DLG2: variants seen among roughly 807,000 people sequenced by gnomAD.
DLG2 encodes the protein disks large homolog 2.
Under a neutral mutation model 132.5 loss-of-function variants are expected in DLG2, and 45 were observed. The observed-to-expected ratio is 0.34, with a 90% confidence interval of 0.27 to 0.44. The LOEUF is 0.44. DLG2 is among the 20% of genes least tolerant of loss of function. The probability of loss-of-function intolerance (pLI) is 1.00; values close to 1 mark genes in which losing one functional copy is unlikely to be tolerated. For synonymous variants in DLG2, 424 were observed against 419.6 expected, an observed-to-expected ratio of 1.01 and a Z score of -0.13; for missense variants, 1,045 against 1,196.9, an observed-to-expected ratio of 0.87 and a Z score of 1.87.
chr11:84,152,512 G>A (rs538305741), intron 9 of DLG2, among the ~76,000 whole-genome samples: 6 of 150,940 alleles, frequency 4.0e-5, no homozygotes, highest in African/African-American at 4.9e-5. Flanking sequence ...TCAGCCTCCC[G>A]AGTAGCTGGG....
chr11:84,726,424 T>C (rs1174536885), intron 6 of DLG2, among the ~76,000 whole-genome samples: 3 of 152,152 alleles, frequency 2.0e-5, no homozygotes, highest in Admixed American at 2.0e-4. Context: ...TTCATCCATG[T>C]CCCTGCAAAG....
At chr11:85,442,022 C>T (rs2091804384) in intron 3 of DLG2, among the ~76,000 whole-genome samples, 1 of 151,540 alleles carries the variant, frequency 6.6e-6, no homozygotes, top group Admixed American at 6.6e-5. Context: ...GTATCCCATA[C>T]AGAAGAAAAA....
At chr11:84,595,526 C>T (rs1319314670) in intron 6 of DLG2, among the ~76,000 whole-genome samples, 1 of 150,882 alleles carries the variant, frequency 6.6e-6, no homozygotes, top group Non-Finnish European at 1.5e-5. Context: ...TTGAAATAAG[C>T]ATTCAAGCAA....
At chr11:85,589,729 T>G (rs1358240909) in intron 3 of DLG2, among the ~76,000 whole-genome samples, 2 of 152,052 alleles carry the variant, frequency 1.3e-5, no homozygotes, top group African/African-American at 4.8e-5. Flanking sequence ...CCAGGCAGCC[T>G]GCACATGGGA....
At chr11:83,851,455 T>C (rs2059758627) in intron 16 of DLG2, among the ~76,000 whole-genome samples, 1 of 151,210 alleles carries the variant, frequency 6.6e-6, no homozygotes, top group South Asian at 2.1e-4. Context: ...TGAAACCTCT[T>C]CTCTACTAAA....
intron 6 of DLG2, among the ~76,000 whole-genome samples, chr11:84,720,609 G>A (rs377516176): frequency 6.6e-6 from 1 of 152,180 alleles, no homozygotes; most frequent in African/African-American, 2.4e-5. Flanking sequence ...CGTGTGGGGG[G>A]AGGGACAGAA....
At chr11:83,889,626 T>C (rs1385706917) in intron 15 of DLG2, among the ~76,000 whole-genome samples, 2 of 152,170 alleles carry the variant, frequency 1.3e-5, no homozygotes, top group Non-Finnish European at 2.9e-5. Context: ...CCCAAAGGAC[T>C]ATAAATCATG....
At chr11:83,611,932 G>A (rs2060174436) in intron 19 of DLG2, among the ~76,000 whole-genome samples, 1 of 152,218 alleles carries the variant, frequency 6.6e-6, no homozygotes, top group Non-Finnish European at 1.5e-5. Context: ...AACTGTTTGA[G>A]CGGGAGGGAA....
At chr11:83,721,414 C>T (rs1349111795) in intron 18 of DLG2, among the ~76,000 whole-genome samples, 1 of 152,188 alleles carries the variant, frequency 6.6e-6, no homozygotes, top group Non-Finnish European at 1.5e-5. Flanking sequence ...AGGCACAAAC[C>T]TGCTACTAGC....
intron 12 of DLG2, among the ~76,000 whole-genome samples, chr11:83,973,229 C>T (rs191966746): frequency 6.6e-6 from 1 of 151,702 alleles, no homozygotes; most frequent in Admixed American, 6.6e-5. Context: ...TTAGTGGCAA[C>T]CTTTGGAGTG....
At chr11:85,155,446 C>T (rs1241662505) in intron 4 of DLG2, among the ~76,000 whole-genome samples, 1 of 152,158 alleles carries the variant, frequency 6.6e-6, no homozygotes, top group Admixed American at 6.5e-5. Context: ...GGAATTCTGA[C>T]AGATTCATAG....
At chr11:85,591,658 C>T (rs1348905692) in intron 3 of DLG2, among the ~76,000 whole-genome samples, 2 of 152,052 alleles carry the variant, frequency 1.3e-5, no homozygotes, top group Non-Finnish European at 2.9e-5. Flanking sequence ...CAGAAGAATC[C>T]CTTGAATGGG....
At chr11:84,844,912 GGATT>G (rs1390545571) in intron 6 of DLG2, among the ~76,000 whole-genome samples, 2 of 152,044 alleles carry the variant, frequency 1.3e-5, no homozygotes, top group Admixed American at 6.6e-5. Flanking sequence ...CAAAATGAAT[GGATT>G]GATATGCAAA....
chr11:83,497,544 AAAC>A (rs1555109330), intron 21 of DLG2, among the ~76,000 whole-genome samples: 1 of 80,936 alleles, frequency 1.2e-5, no homozygotes, highest in Non-Finnish European at 3.2e-5. Context: ...CAAAAACAAA[AAAC>A]AAAAAACAAA....
chr11:84,581,767 C>T (rs1165408432), intron 6 of DLG2, among the ~76,000 whole-genome samples: 1 of 151,836 alleles, frequency 6.6e-6, no homozygotes, highest in East Asian at 1.9e-4. Flanking sequence ...ATTAGCCGGG[C>T]ATGGTGGCAT....
chr11:84,543,362 T>A (rs2099382721), intron 6 of DLG2, among the ~76,000 whole-genome samples: 1 of 152,146 alleles, frequency 6.6e-6, no homozygotes, highest in Non-Finnish European at 1.5e-5. Context: ...CTTCCCAGAT[T>A]AGGAAGTTCT....
intron 2 of DLG2, among the ~76,000 whole-genome samples, chr11:85,609,013 A>G (rs902102896): frequency 1.3e-5 from 2 of 152,192 alleles, no homozygotes; most frequent in African/African-American, 2.4e-5. Flanking sequence ...AGCCATCCCC[A>G]GTATGGATCC....
chr11:85,601,197 G>A (rs1344862838), intron 2 of DLG2, among the ~76,000 whole-genome samples: 1 of 152,030 alleles, frequency 6.6e-6, no homozygotes, highest in Non-Finnish European at 1.5e-5. Flanking sequence ...TGTTAGTGAT[G>A]GGGTCTCCCT....
At chr11:85,047,713 T>G (rs2062480582) in intron 6 of DLG2, among the ~76,000 whole-genome samples, 1 of 151,828 alleles carries the variant, frequency 6.6e-6, no homozygotes, top group Non-Finnish European at 1.5e-5. Flanking sequence ...CAGAAATTAT[T>G]TTAAAATAAA....
Sources: gnomAD v4.1 joint callset for allele counts (sites outside exome capture counted in the v4.1 genomes callset) on GRCh38, gnomAD v4.1.1 for gene constraint, MANE v1.5 for transcripts, NCBI Gene and HGNC (gene_info 2026-07-23, HGNC 2026-07-21) for gene names.